VWA8: variants seen among roughly 807,000 people sequenced by gnomAD.
VWA8 encodes von Willebrand factor A domain-containing protein 8.
VWA8 carries 221 observed loss-of-function variants against 241.5 expected under a neutral mutation model. That is an observed-to-expected ratio of 0.91 (90% CI 0.82 to 1.02). The LOEUF (loss-of-function observed/expected upper bound fraction) is 1.02. Among genes scored for constraint, VWA8 ranks in the 50% least tolerant of loss-of-function variants. The pLI is 0.00. For missense variants in VWA8, 2,322 were observed against 2,328.7 expected, an observed-to-expected ratio of 1.00 and a Z score of 0.06; for synonymous variants, 852 against 827.1, an observed-to-expected ratio of 1.03 and a Z score of -0.52.
chr13:41,802,425 C>G (rs1870000641), intron 17 of VWA8, among the ~76,000 whole-genome samples: 1 of 152,202 alleles, frequency 6.6e-6, no homozygotes, highest in Non-Finnish European at 1.5e-5. Context: ...GTCTAGGCCA[C>G]AGGAATACAA....
intron 29 of VWA8, chr13:41,696,047 A>G (rs970687094): frequency 7.9e-5 from 12 of 152,200 alleles, no homozygotes; most frequent in African/African-American, 2.9e-4. Flanking sequence ...ACTAAATTAC[A>G]AACCACCAAG....
Position 41,677,778 on chromosome 13 carries a change from TCATCCATCCATC to T in VWA8, c.4328-2494_4328-2483del, listed in dbSNP as rs200806052. 1.2e-4 allele frequency among the ~76,000 whole-genome samples: 18 copies of T among 151,932 alleles called. No homozygotes were observed. The South Asian group carries it at 2.1e-3, about 18-fold the overall frequency. On this transcript the variant is annotated intron_variant, in intron 35 of 44. Coordinates refer to ENST00000379310, the MANE Select transcript of VWA8 (RefSeq NM_015058.2). ...TGATTAGAATTATATATTTATCTAT[TCATCCATCCATC>T]CATCCATCCATCCATCCATCTTTTA... is the stretch of plus-strand genomic sequence containing the variant.
chr13:41,927,346 G>A, intron 2 of VWA8: 2 of 528,712 alleles, frequency 3.8e-6, no homozygotes, highest in Non-Finnish European at 7.8e-6. Context: ...TGGCACTTCT[G>A]TCTAGAAAAT....
chr13:41,695,075 C>T (rs1474508473), intron 29 of VWA8, among the ~76,000 whole-genome samples: 5 of 152,118 alleles, frequency 3.3e-5, no homozygotes, highest in Admixed American at 6.6e-5. Flanking sequence ...TTGCGTCACA[C>T]ATGAGTACAT....
chr13:41,739,526 G>C (rs991790824), intron 21 of VWA8, among the ~76,000 whole-genome samples: 3 of 151,828 alleles, frequency 2.0e-5, no homozygotes, highest in African/African-American at 7.3e-5. Context: ...TCTCATTTTG[G>C]TTGTTCATCA....
At chr13:41,909,711 T>C (rs930788048) in intron 3 of VWA8, among the ~76,000 whole-genome samples, 1 of 152,324 alleles carries the variant, frequency 6.6e-6, no homozygotes, top group Non-Finnish European at 1.5e-5. Context: ...CCTTTGTTCT[T>C]CATTGGCCGT....
intron 9 of VWA8, among the ~76,000 whole-genome samples, chr13:41,877,838 T>G (rs1423642395): frequency 5.9e-5 from 9 of 152,114 alleles, no homozygotes; most frequent in Admixed American, 5.9e-4. Flanking sequence ...GGGTTTTCTT[T>G]AAGACATCCT....
At chr13:41,889,188 G>A (rs1249514780) in intron 5 of VWA8, among the ~76,000 whole-genome samples, 1 of 152,136 alleles carries the variant, frequency 6.6e-6, no homozygotes, top group Non-Finnish European at 1.5e-5. Context: ...TACCATAAAA[G>A]TTGTCTTAAG....
intron 4 of VWA8, among the ~76,000 whole-genome samples, chr13:41,900,928 C>G (rs1344924816): frequency 4.6e-5 from 7 of 152,088 alleles, no homozygotes; most frequent in Admixed American, 4.6e-4. Context: ...TTATAGGTGA[C>G]TTAGATTACT....
rs571629665 is a variant in VWA8, at chr13:41,715,252, TACCATTATTATG to T, written c.3116+4327_3116+4338del. On this transcript the variant is annotated intron_variant, in intron 26 of 44. Transcript: ENST00000379310. ...AATATTATTGTACTACCATCATTAT[TACCATTATTATG>T]AAATATAATCATAACATTGTTGTTG... Among the ~76,000 whole-genome samples the T allele has an allele frequency of 1.6e-3, 244 of 152,102 alleles. 1 individual carries two copies. In the South Asian group the frequency reaches 0.027, roughly 17 times the overall value.
At chr13:41,696,256 A>C (rs2045215190) in intron 29 of VWA8, 1 of 152,252 alleles carries the variant, frequency 6.6e-6, no homozygotes, top group Non-Finnish European at 1.5e-5. Flanking sequence ...AAACAAAATC[A>C]GAAAAATACT....
intron 14 of VWA8, among the ~76,000 whole-genome samples, chr13:41,829,571 A>ACACACG (rs1555340410): frequency 4.0e-5 from 6 of 150,938 alleles, no homozygotes; most frequent in Admixed American, 2.0e-4. Flanking sequence ...ACACACATGC[A>ACACACG]CACACACACA....
chr13:41,674,791 C>A (rs959442692), intron 36 of VWA8, among the ~76,000 whole-genome samples: 2 of 152,128 alleles, frequency 1.3e-5, no homozygotes, highest in African/African-American at 4.8e-5. Flanking sequence ...TCCCTGACTG[C>A]AGATGCATAA....
chr13:41,932,371 T>C (rs1044541803), intron 2 of VWA8, among the ~76,000 whole-genome samples: 7 of 152,086 alleles, frequency 4.6e-5, no homozygotes, highest in African/African-American at 7.2e-5. Context: ...TGATGAATTC[T>C]ACCAAACATT....
chr13:41,813,657 C>T (rs904872323), intron 16 of VWA8, among the ~76,000 whole-genome samples: 1 of 152,094 alleles, frequency 6.6e-6, no homozygotes, highest in African/African-American at 2.4e-5. Flanking sequence ...TATTTGAACA[C>T]CAATTCTCCA....
chr13:41,758,801 T>C lies in VWA8; in HGVS notation c.2426+2327A>G, dbSNP rs574892116. On this transcript the variant is annotated intron_variant, in intron 21 of 44. Transcript: ENST00000379310. ...CATTTTTAAATATGAAGTTTAGCTA[T>C]AGGCTTTTTATAGATGCCTCTTGAT... Among the ~76,000 whole-genome samples the C allele has an allele frequency of 1.6e-3, 247 of 151,508 alleles. 1 individual carries two copies. Among genetic ancestry groups the C allele is most frequent in the African/African-American group, 5.6e-3 (231 of 41,502 alleles).
At chr13:41,861,913 CA>C (rs1873024505) in intron 12 of VWA8, among the ~76,000 whole-genome samples, 1 of 152,070 alleles carries the variant, frequency 6.6e-6, no homozygotes, top group Non-Finnish European at 1.5e-5. Flanking sequence ...ATCAAATTAC[CA>C]ACATCATTTT....
At chr13:41,947,959 C>CAAA (rs71214139) in intron 2 of VWA8, among the ~76,000 whole-genome samples, 1 of 80,248 alleles carries the variant, frequency 1.2e-5, no homozygotes, top group East Asian at 3.8e-4. Flanking sequence ...AAAAACAAAA[C>CAAA]AAAACATTTT....
chr13:41,718,320 G>A (rs1231429852), intron 26 of VWA8, among the ~76,000 whole-genome samples: 6 of 151,838 alleles, frequency 4.0e-5, no homozygotes, highest in African/African-American at 1.2e-4. Flanking sequence ...GCATATTAAA[G>A]AGGATCTCTT....
Sources: gnomAD v4.1 joint callset for allele counts (sites outside exome capture counted in the v4.1 genomes callset) on GRCh38, gnomAD v4.1.1 for gene constraint, MANE v1.5 for transcripts, NCBI Gene and HGNC (gene_info 2026-07-23, HGNC 2026-07-21) for gene names.